The following CHSY3 variants were observed in gnomAD, a reference collection of about 807,000 sequenced individuals.
The protein encoded by CHSY3 is N-acetylgalactosaminyl-proteoglycan 3-beta-glucuronosyltransferase 3.
Under a neutral mutation model 67.2 loss-of-function variants are expected in CHSY3, and 35 were observed. The observed-to-expected ratio is 0.52, with a 90% CI of 0.40 to 0.69. The LOEUF is 0.69. CHSY3 is among the 30% of genes least tolerant of loss of function. CHSY3 has a pLI of 0.00. For missense variants in CHSY3, 1,069 were observed against 1,138.5 expected (o/e 0.94, Z 0.88); for synonymous variants, 474 against 434.7 (o/e 1.09, Z -1.12).
At chr5:130,134,036 C>T (rs1768579548) in intron 2 of CHSY3, among the ~76,000 whole-genome samples, 1 of 152,084 alleles carries the variant, frequency 6.6e-6, no homozygotes, top group African/African-American at 2.4e-5. Context: ...GTATTATTTA[C>T]ATTTTTCCAC....
intron 2 of CHSY3, among the ~76,000 whole-genome samples, chr5:130,154,747 A>C (rs549060453): frequency 2.0e-4 from 30 of 152,288 alleles, no homozygotes; most frequent in African/African-American, 5.3e-4. Context: ...TTTTCTATTC[A>C]ATATTATATT....
At position 130,184,575 on chromosome 5, in the gene CHSY3, C is replaced by T; in HGVS notation, c.1433C>T (p.Ala478Val). The T allele has an allele frequency of 1.9e-6, 3 of 1,612,256 alleles. No individual in the cohort carries two copies. The highest frequency in any genetic ancestry group is 2.5e-6 in the Non-Finnish European group (3 of 1,178,298). Residue 478 changes from alanine (A) to valine (V), a missense_variant, in exon 3 of 3, where the codon GCT (alanine) becomes GTT (valine). Around this residue, in one of 5 missense-constraint regions of CHSY3, gnomAD observed 401 missense variants for 395.2 expected, o/e 1.01. Transcript: ENST00000305031. ...ACAGGGAAGCTTCTATACTCAGCAG[C>T]TGAGAACCAGCCCCCTCGACAGAGC... ...FLTGKLLYSA[A>V]ENQPPRQSLS...
intron 2 of CHSY3, among the ~76,000 whole-genome samples, chr5:130,124,622 AT>A (rs898317955): frequency 6.6e-6 from 1 of 151,966 alleles, no homozygotes; most frequent in African/African-American, 2.4e-5. Context: ...CACTTGGTTA[AT>A]TTTTTTAATT....
intron 2 of CHSY3, among the ~76,000 whole-genome samples, chr5:130,043,513 G>A (rs1033849744): frequency 1.3e-5 from 2 of 152,094 alleles, no homozygotes; most frequent in Admixed American, 6.6e-5. Context: ...TCTTGTCCAC[G>A]TGGGTCTGTT....
intron 2 of CHSY3, among the ~76,000 whole-genome samples, chr5:130,156,943 C>A (rs1049671305): frequency 6.6e-6 from 1 of 152,230 alleles, no homozygotes; most frequent in African/African-American, 2.4e-5. Context: ...GATATACTGT[C>A]ATTCCTAATT....
At chr5:130,032,657 T>C (rs985266946) in intron 2 of CHSY3, among the ~76,000 whole-genome samples, 3 of 152,096 alleles carry the variant, frequency 2.0e-5, no homozygotes, top group African/African-American at 7.2e-5. Context: ...AGTAGACCAC[T>C]CTGAGGGCAT....
In CHSY3 at chr5:129,995,735, T is replaced by C. The variant is rs572026206; in HGVS notation, c.1086+87375T>C. Among the ~76,000 whole-genome samples, 3 of 152,166 alleles carry C rather than the reference T, an allele frequency of 2.0e-5. No homozygotes were observed. In the South Asian group the frequency reaches 6.2e-4, roughly 32 times the overall value. ...ACTGTTATCCACTATACTCTGTTTT[T>C]TAAGAATGATCTGGTTCCAAACCAT... is the stretch of plus-strand genomic sequence containing the variant. On this transcript the variant is annotated intron_variant, in intron 2 of 2. Transcript: ENST00000305031.
chr5:129,923,058 T>C (rs1372324894), intron 2 of CHSY3, among the ~76,000 whole-genome samples: 1 of 152,172 alleles, frequency 6.6e-6, no homozygotes, highest in Non-Finnish European at 1.5e-5. Flanking sequence ...TCTTAGAGAT[T>C]GTGACAATTG....
chr5:129,914,481 A>T (rs1331396991), intron 2 of CHSY3, among the ~76,000 whole-genome samples: 3 of 152,220 alleles, frequency 2.0e-5, no homozygotes, highest in African/African-American at 7.2e-5. Flanking sequence ...AAGTATATTC[A>T]TATATATGAA....
intron 2 of CHSY3, among the ~76,000 whole-genome samples, chr5:130,014,621 A>G (rs770915257): frequency 1.3e-5 from 2 of 152,202 alleles, no homozygotes; most frequent in Non-Finnish European, 2.9e-5. Flanking sequence ...CTCCAATGAC[A>G]TGTGGGGATT....
chr5:130,096,338 A>AT (rs2149695771), intron 2 of CHSY3, among the ~76,000 whole-genome samples: 1 of 152,114 alleles, frequency 6.6e-6, no homozygotes, highest in South Asian at 2.1e-4. Context: ...TACCCAGCTA[A>AT]TTTTTTGCAT....
intron 2 of CHSY3, among the ~76,000 whole-genome samples, chr5:130,056,623 T>C (rs1368444432): frequency 6.6e-6 from 1 of 152,170 alleles, no homozygotes; most frequent in East Asian, 1.9e-4. Context: ...CAAATACCTA[T>C]CACAAAATCT....
intron 2 of CHSY3, among the ~76,000 whole-genome samples, chr5:129,980,677 T>C (rs1453942230): frequency 6.6e-6 from 1 of 152,196 alleles, no homozygotes; most frequent in Admixed American, 6.5e-5. Flanking sequence ...CTGTTGTATC[T>C]TAAAAGGTCA....
intron 2 of CHSY3, among the ~76,000 whole-genome samples, chr5:130,025,343 G>C (rs1184043931): frequency 6.6e-6 from 1 of 152,076 alleles, no homozygotes; most frequent in African/African-American, 2.4e-5. Flanking sequence ...CATGCAAAAG[G>C]TACAGTGCTG....
At chr5:129,926,182 G>A (rs1761103409) in intron 2 of CHSY3, among the ~76,000 whole-genome samples, 1 of 151,928 alleles carries the variant, frequency 6.6e-6, no homozygotes, top group Non-Finnish European at 1.5e-5. Flanking sequence ...TTATTATTTG[G>A]TCACGAACCA....
At chr5:130,140,418 A>G in intron 2 of CHSY3, 1 of 831,272 alleles carries the variant, frequency 1.2e-6, no homozygotes, top group South Asian at 1.8e-5. Context: ...AAATTGCAGA[A>G]ACCTACCTTG....
At chr5:130,074,600 T>A (rs1766191931) in intron 2 of CHSY3, among the ~76,000 whole-genome samples, 1 of 152,210 alleles carries the variant, frequency 6.6e-6, no homozygotes, top group Non-Finnish European at 1.5e-5. Context: ...TCCAACTATT[T>A]AACATGGGAA....
At chr5:129,961,435 T>TTAC (rs1561474581) in intron 2 of CHSY3, among the ~76,000 whole-genome samples, 1 of 152,088 alleles carries the variant, frequency 6.6e-6, no homozygotes, top group Non-Finnish European at 1.5e-5. Flanking sequence ...TTTAGACCAC[T>TTAC]TACTGCCCCC....
In CHSY3 at chr5:129,912,278, T is replaced by G. The variant is rs190221490; in HGVS notation, c.1086+3918T>G. Among the ~76,000 whole-genome samples, 5 of 152,196 alleles carry G rather than the reference T, an allele frequency of 3.3e-5. No homozygotes were observed. In the East Asian group the frequency reaches 7.7e-4, roughly 24 times the overall value. ...ATCTACATAAGGAAAAAAATTACAG[T>G]ATAGATTTCTAAATTAATTGCCAGA... On this transcript the variant is annotated intron_variant, in intron 2 of 2. Transcript: ENST00000305031.
Sources: allele counts gnomAD v4.1 joint callset (sites outside exome capture counted in the v4.1 genomes callset), GRCh38; gene constraint gnomAD v4.1.1; regional missense constraint gnomAD v4.1.1; transcripts MANE v1.5; gene names NCBI Gene and HGNC (gene_info 2026-07-23, HGNC 2026-07-21).